AGBL4: variants seen among roughly 807,000 people sequenced by gnomAD.
AGBL4 encodes the protein cytosolic carboxypeptidase 6.
In AGBL4, 58 loss-of-function variants were observed where a neutral mutation model predicts 66.4. The ratio of observed to expected loss-of-function variants is 0.87; its 90% CI spans 0.71 to 1.09. The LOEUF is 1.09. Among genes scored for constraint, AGBL4 ranks in the 50% least tolerant of loss-of-function variants. The pLI, the probability that AGBL4 is intolerant of heterozygous loss-of-function variation, is 0.00. For synonymous variants in AGBL4, 234 were observed against 222.9 expected, an observed-to-expected ratio of 1.05 and a Z score of -0.44; for missense variants, 579 against 631.0, an observed-to-expected ratio of 0.92 and a Z score of 0.88.
intron 4 of AGBL4, among the ~76,000 whole-genome samples, chr1:49,064,489 T>G (rs1004633858): frequency 1.3e-5 from 2 of 152,198 alleles, no homozygotes; most frequent in African/African-American, 4.8e-5. Context: ...TGTGGCTTAT[T>G]CTCCCTGATA....
Position 49,751,660 on chromosome 1 carries a change from C to T in AGBL4, c.158-54223G>A, listed in dbSNP as rs144669819. Reference sequence around the variant, plus strand: ...GAATAGTTTTAGAAGGAATGGCACCCGCTCCTCTTTGTACCTCTGGTAGAA... The same window carrying T: ...GAATAGTTTTAGAAGGAATGGCACCTGCTCCTCTTTGTACCTCTGGTAGAA... On this transcript the variant is annotated intron_variant, in intron 2 of 13. Coordinates refer to ENST00000371839, the MANE Select transcript of AGBL4 (RefSeq NM_032785.4). Among the ~76,000 whole-genome samples the T allele has an allele frequency of 2.0e-3, 311 of 152,200 alleles. 2 individuals are homozygous for T. Among genetic ancestry groups the T allele is most frequent in the Admixed American group, 0.011 (165 of 15,278 alleles).
chr1:49,959,432 T>A (rs1656936112), intron 1 of AGBL4, among the ~76,000 whole-genome samples: 1 of 151,944 alleles, frequency 6.6e-6, no homozygotes. Flanking sequence ...AAAAGCTGAG[T>A]TGAGGGACAG....
intron 6 of AGBL4, among the ~76,000 whole-genome samples, chr1:48,712,870 A>G (rs937467610): frequency 5.9e-5 from 9 of 152,232 alleles, no homozygotes; most frequent in Non-Finnish European, 8.8e-5. Flanking sequence ...AGGAGTGCAC[A>G]TGAGAGACAC....
At chr1:49,480,502 A>C (rs886707203) in intron 3 of AGBL4, among the ~76,000 whole-genome samples, 27 of 148,838 alleles carry the variant, frequency 1.8e-4, no homozygotes, top group African/African-American at 6.4e-4. Flanking sequence ...TTTCTCTTGT[A>C]AATTTGTTTA....
chr1:48,828,354 G>A (rs1014075591), intron 6 of AGBL4, among the ~76,000 whole-genome samples: 2 of 152,148 alleles, frequency 1.3e-5, no homozygotes, highest in Non-Finnish European at 2.9e-5. Context: ...GCTGGATAGA[G>A]CCATGGAGGT....
chr1:49,956,521 C>T (rs1228841115), intron 1 of AGBL4, among the ~76,000 whole-genome samples: 5 of 151,888 alleles, frequency 3.3e-5, no homozygotes, highest in African/African-American at 1.2e-4. Flanking sequence ...TAATGACTTA[C>T]CCTTAAGAAA....
At chr1:49,098,998 C>T (rs186184267) in intron 4 of AGBL4, among the ~76,000 whole-genome samples, 14 of 152,276 alleles carry the variant, frequency 9.2e-5, no homozygotes, top group Non-Finnish European at 1.5e-4. Flanking sequence ...CTCCCTCCCA[C>T]GGGCCAAGCT....
intron 6 of AGBL4, among the ~76,000 whole-genome samples, chr1:48,866,974 C>A (rs1262247027): frequency 1.3e-5 from 2 of 152,130 alleles, no homozygotes; most frequent in African/African-American, 4.8e-5. Flanking sequence ...AGCCCTGCCA[C>A]CCATAGTCAA....
chr1:49,846,273 A>T (rs1342642013), intron 2 of AGBL4: 2 of 1,489,260 alleles, frequency 1.3e-6, no homozygotes, highest in Admixed American at 1.7e-5. Context: ...TCCTTTAGGC[A>T]GAGCACCCAC....
chr1:48,923,289 G>A (rs913043110), intron 5 of AGBL4, among the ~76,000 whole-genome samples: 1 of 152,094 alleles, frequency 6.6e-6, no homozygotes, highest in Non-Finnish European at 1.5e-5. Context: ...CTTCTAAATT[G>A]AGAACTCTTT....
intron 3 of AGBL4, among the ~76,000 whole-genome samples, chr1:49,450,238 G>T (rs573751873): frequency 6.6e-6 from 1 of 152,064 alleles, no homozygotes; most frequent in African/African-American, 2.4e-5. Flanking sequence ...CTCTATCCAG[G>T]CTCTGATATG....
rs771473868 is a variant in AGBL4, at chr1:48,736,764, A to G, written c.635-73523T>C. On this transcript the variant is annotated intron_variant, in intron 6 of 13. Coordinates refer to ENST00000371839, the MANE Select transcript of AGBL4 (RefSeq NM_032785.4). The surrounding 1 kb of genome is among the most constrained non-coding windows in gnomAD (Gnocchi z 4.0). ...CAGGTGAGGTGACTTGCTGAACATC[A>G]TTCAACTAGTAAGTGGCAGAGTTGA... 1.4e-4 allele frequency among the ~76,000 whole-genome samples: 21 copies of G among 152,338 alleles called. No homozygotes were observed. The highest frequency in any genetic ancestry group is 2.6e-4 in the Non-Finnish European group (18 of 68,026).
At chr1:49,503,565 T>A (rs1374054814) in intron 3 of AGBL4, among the ~76,000 whole-genome samples, 2 of 152,116 alleles carry the variant, frequency 1.3e-5, no homozygotes, top group Non-Finnish European at 2.9e-5. Context: ...CCAGGATGGA[T>A]GCTGTACCCT....
At chr1:48,709,684 G>T (rs533038023) in intron 6 of AGBL4, among the ~76,000 whole-genome samples, 34 of 151,610 alleles carry the variant, frequency 2.2e-4, no homozygotes, top group African/African-American at 8.2e-4. Context: ...TCACTGCAAG[G>T]TCTGCCTTCC....
intron 6 of AGBL4, among the ~76,000 whole-genome samples, chr1:48,673,813 G>A (rs1177547841): frequency 2.6e-5 from 4 of 152,218 alleles, no homozygotes; most frequent in African/African-American, 9.6e-5. Context: ...CATATGCCCA[G>A]GACTATACAG....
chr1:49,715,126 C>G (rs1377037711), intron 2 of AGBL4, among the ~76,000 whole-genome samples: 1 of 152,120 alleles, frequency 6.6e-6, no homozygotes, highest in Admixed American at 6.6e-5. Flanking sequence ...AGCCCCCCAG[C>G]CCCAACAGGC....
At chr1:49,917,152 T>C (rs1305307301) in intron 1 of AGBL4, among the ~76,000 whole-genome samples, 2 of 152,048 alleles carry the variant, frequency 1.3e-5, no homozygotes, top group Admixed American at 6.6e-5. Flanking sequence ...TAAACACCAT[T>C]GATGCTAGGA....
At position 49,746,528 on chromosome 1, in the gene AGBL4, T is replaced by A. The variant is rs369005339; in HGVS notation, c.158-49091A>T. Reference sequence around the variant, plus strand: ...AGGTTTCCATGAATGGCTTTTTACATCCCTATGTGATAGGTCTTTTATTTT... The same window carrying A: ...AGGTTTCCATGAATGGCTTTTTACAACCCTATGTGATAGGTCTTTTATTTT... On this transcript the variant is annotated intron_variant, in intron 2 of 13. Transcript: ENST00000371839. Among the ~76,000 whole-genome samples the A allele has an allele frequency of 1.9e-3, 295 of 152,114 alleles. 1 individual carries two copies. The highest frequency in any genetic ancestry group is 2.9e-3 in the Non-Finnish European group (200 of 67,904).
chr1:49,454,949 T>C (rs1646356901), intron 3 of AGBL4, among the ~76,000 whole-genome samples: 1 of 151,650 alleles, frequency 6.6e-6, no homozygotes, highest in African/African-American at 2.4e-5. Flanking sequence ...GAATTGTTTC[T>C]CTGGGCCGGA....
Sources: gnomAD v4.1 joint callset for allele counts (sites outside exome capture counted in the v4.1 genomes callset) on GRCh38, gnomAD v4.1.1 for gene constraint, Gnocchi (gnomAD v3.1) non-coding constraint, MANE v1.5 for transcripts, NCBI Gene and HGNC (gene_info 2026-07-23, HGNC 2026-07-21) for gene names.